The following PTPRM variants were observed in gnomAD, a reference collection of about 807,000 sequenced individuals.
PTPRM encodes receptor-type tyrosine-protein phosphatase mu.
In PTPRM, 47 loss-of-function variants were observed where a neutral mutation model predicts 186.7. The ratio of observed to expected loss-of-function variants is 0.25; its 90% CI spans 0.20 to 0.32. The LOEUF is 0.32. PTPRM is among the 10% of genes least tolerant of loss of function. The probability of loss-of-function intolerance (pLI) is 1.00; values close to 1 mark genes in which losing one functional copy is unlikely to be tolerated. For synonymous variants in PTPRM, 668 were observed against 674.9 expected, an observed-to-expected ratio of 0.99 and a Z score of 0.16; for missense variants, 1,494 against 1,865.0, an observed-to-expected ratio of 0.80 and a Z score of 3.66.
intron 1 of PTPRM, among the ~76,000 whole-genome samples, chr18:7,686,725 CA>C (rs1003840500): frequency 1.3e-5 from 2 of 151,976 alleles, no homozygotes; most frequent in African/African-American, 4.8e-5. Flanking sequence ...TTAAAATGAA[CA>C]TTTGTGTCTA....
At chr18:8,328,634 A>G (rs915910035) in intron 22 of PTPRM, among the ~76,000 whole-genome samples, 13 of 152,170 alleles carry the variant, frequency 8.5e-5, no homozygotes, top group Non-Finnish European at 1.5e-4. Context: ...TTAAATAGGG[A>G]TGCTTTGAGA....
At chr18:7,725,289 T>G (rs918111328) in intron 1 of PTPRM, among the ~76,000 whole-genome samples, 1 of 152,182 alleles carries the variant, frequency 6.6e-6, no homozygotes, top group Non-Finnish European at 1.5e-5. Flanking sequence ...GTTCACTGAC[T>G]TAACAGATGA....
At chr18:8,293,307 C>A (rs2095060933) in intron 19 of PTPRM, among the ~76,000 whole-genome samples, 1 of 152,172 alleles carries the variant, frequency 6.6e-6, no homozygotes, top group Non-Finnish European at 1.5e-5. Flanking sequence ...GGGCTATTGG[C>A]AGTCCTGTGA....
chr18:7,641,492 A>T (rs1182420827), intron 1 of PTPRM, among the ~76,000 whole-genome samples: 2 of 152,214 alleles, frequency 1.3e-5, no homozygotes, highest in African/African-American at 4.8e-5. Context: ...AAAAAAACAC[A>T]CATCTTCCAG....
chr18:7,578,370 C>G (rs987253784), intron 1 of PTPRM, among the ~76,000 whole-genome samples: 1 of 139,544 alleles, frequency 7.2e-6, no homozygotes, highest in Admixed American at 7.7e-5. Flanking sequence ...GAGTCTTGCT[C>G]TGTCGCCCAG....
chr18:7,883,004 G>T (rs2048585360), intron 2 of PTPRM, among the ~76,000 whole-genome samples: 1 of 152,088 alleles, frequency 6.6e-6, no homozygotes, highest in Non-Finnish European at 1.5e-5. Flanking sequence ...TTCCTTTTTG[G>T]GGAAACCAAA....
chr18:7,823,905 A>T (rs1190110285), intron 2 of PTPRM, among the ~76,000 whole-genome samples: 2 of 152,124 alleles, frequency 1.3e-5, no homozygotes, highest in Non-Finnish European at 2.9e-5. Context: ...CTATCCTACT[A>T]GTTCTGTCCC....
At position 8,192,926 on chromosome 18, in the gene PTPRM, G is replaced by A. The variant is rs562965425; in HGVS notation, c.2300+49147G>A. Among the ~76,000 whole-genome samples, 574 of 152,296 alleles carry A rather than the reference G, an allele frequency of 3.8e-3. 3 individuals are homozygous for A. The highest frequency in any genetic ancestry group is 0.01 in the African/African-American group (434 of 41,572). ...ACCTTGCTCAAATTTAGCAAAGCCAGTAGTGATACAGCTTCACATTATGTC... is the reference window on the plus strand; with the variant it reads ...ACCTTGCTCAAATTTAGCAAAGCCAATAGTGATACAGCTTCACATTATGTC... On this transcript the variant is annotated intron_variant, in intron 14 of 32. Transcript: ENST00000580170.
chr18:8,032,033 AAG>A (rs1358866966), intron 7 of PTPRM, among the ~76,000 whole-genome samples: 24 of 152,246 alleles, frequency 1.6e-4, no homozygotes, highest in Admixed American at 1.3e-4. Context: ...ATGTTGAAAA[AAG>A]GGGACAAAAT....
chr18:7,860,870 T>G (rs866222629), intron 2 of PTPRM, among the ~76,000 whole-genome samples: 5 of 152,214 alleles, frequency 3.3e-5, no homozygotes, highest in Admixed American at 6.5e-5. Flanking sequence ...ATCCCTTGCT[T>G]TCTGGTTTCT....
intron 23 of PTPRM, among the ~76,000 whole-genome samples, chr18:8,353,802 A>G (rs1318833889): frequency 6.6e-6 from 1 of 152,228 alleles, no homozygotes; most frequent in Non-Finnish European, 1.5e-5. Flanking sequence ...AAACTATGAA[A>G]TATTAGCGTC....
At chr18:8,266,107 G>A (rs1043075717) in intron 19 of PTPRM, among the ~76,000 whole-genome samples, 3 of 152,076 alleles carry the variant, frequency 2.0e-5, no homozygotes, top group Admixed American at 1.3e-4. Flanking sequence ...CCTCATTTCA[G>A]CCTCTTCCGA....
intron 1 of PTPRM, among the ~76,000 whole-genome samples, chr18:7,755,765 T>G (rs1303647154): frequency 6.6e-6 from 1 of 152,178 alleles, no homozygotes; most frequent in Non-Finnish European, 1.5e-5. Context: ...GTTCTACAGA[T>G]TTTCTATTTT....
rs34345020 is a variant in PTPRM at position 7,955,281 on chromosome 18, C to A, written c.999C>A (p.Val333=). Residue 333 remains valine, a synonymous_variant, in exon 7 of 33, where the codon GTC becomes GTA. Transcript: ENST00000580170. ...ASGSWNDRQP[V]DSTSYKIGHL... The stretch of plus-strand genomic sequence containing the variant: ...GGAGCTGGAATGACCGGCAGCCAGT[C>A]GATTCCACGAGCTATAAAATTGGAC... 11 of 1,613,948 alleles carry A rather than the reference C, an allele frequency of 6.8e-6. No individual in the cohort carries two copies. The highest frequency in any genetic ancestry group is 1.7e-5 in the Admixed American group (1 of 59,992).
intron 4 of PTPRM, among the ~76,000 whole-genome samples, chr18:7,916,307 C>T (rs546157320): frequency 1.3e-5 from 2 of 152,286 alleles, no homozygotes; most frequent in African/African-American, 4.8e-5. Context: ...TAGATGAACA[C>T]ACCTTTAGCA....
intron 1 of PTPRM, among the ~76,000 whole-genome samples, chr18:7,715,702 A>G (rs541826559): frequency 1.3e-5 from 2 of 152,326 alleles, no homozygotes; most frequent in Non-Finnish European, 2.9e-5. Context: ...AAGCATTTCT[A>G]TACACCAATA....
rs145799989 is a variant in PTPRM, at chr18:7,694,080, G to T, written c.74-80069G>T. Among the ~76,000 whole-genome samples, 494 of 152,298 alleles carry T rather than the reference G, an allele frequency of 3.2e-3. 3 individuals are homozygous for T. The highest frequency in any genetic ancestry group is 0.01 in the African/African-American group (433 of 41,562). The stretch of plus-strand genomic sequence containing the variant: ...CCATGCCAGTGAAGTGATCAAGTGT[G>T]ACACAAGCAATCACAGAAGCCTGGT... On this transcript the variant is annotated intron_variant, in intron 1 of 32. Transcript: ENST00000580170.
intron 1 of PTPRM, among the ~76,000 whole-genome samples, chr18:7,607,460 T>C (rs2037561538): frequency 6.6e-6 from 1 of 151,952 alleles, no homozygotes; most frequent in South Asian, 2.1e-4. Context: ...AGCCTAGGAT[T>C]AGGCTGGAGC....
chr18:8,308,382 C>T (rs994812253), intron 20 of PTPRM, among the ~76,000 whole-genome samples: 1 of 152,040 alleles, frequency 6.6e-6, no homozygotes, highest in East Asian at 1.9e-4. Context: ...AGCACATGGT[C>T]CAATAGAAAG....
Sources: allele counts gnomAD v4.1 joint callset (sites outside exome capture counted in the v4.1 genomes callset), GRCh38; gene constraint gnomAD v4.1.1; transcripts MANE v1.5; gene names NCBI Gene and HGNC (gene_info 2026-07-23, HGNC 2026-07-21).